ATP6V1H: variants seen among roughly 807,000 people sequenced by gnomAD.
The protein encoded by ATP6V1H is ATPase H+ transporting V1 subunit H, also known as V-type proton ATPase subunit H.
A neutral mutation model predicts 71.7 loss-of-function variants in ATP6V1H; 39 were observed. The observed-to-expected ratio is 0.54, with a 90% CI of 0.42 to 0.71. The LOEUF is 0.71. ATP6V1H is among the 30% of genes least tolerant of loss of function. The pLI is 0.00. For synonymous variants in ATP6V1H, 192 were observed against 199.3 expected (o/e 0.96, Z 0.31); for missense variants, 509 against 594.9 (o/e 0.86, Z 1.50).
intron 13 of ATP6V1H, among the ~76,000 whole-genome samples, chr8:53,717,303 G>A (rs575521141): frequency 2.0e-5 from 3 of 152,220 alleles, no homozygotes; most frequent in East Asian, 1.9e-4. Context: ...GAAATGTCAC[G>A]CAGTGGCGGA....
intron 13 of ATP6V1H, among the ~76,000 whole-genome samples, chr8:53,722,250 G>A (rs750808343): frequency 8.5e-5 from 13 of 152,154 alleles, no homozygotes; most frequent in Non-Finnish European, 1.5e-4. Flanking sequence ...CTTTTCCAAC[G>A]TGTGGTTATG....
chr8:53,740,600 T>A (rs913220904), intron 13 of ATP6V1H, among the ~76,000 whole-genome samples: 3 of 152,178 alleles, frequency 2.0e-5, no homozygotes, highest in African/African-American at 7.2e-5. Context: ...AGTTTTCACT[T>A]GGTAGAAAAG....
At chr8:53,762,805 C>T (rs1808318946) in intron 11 of ATP6V1H, among the ~76,000 whole-genome samples, 1 of 152,112 alleles carries the variant, frequency 6.6e-6, no homozygotes, top group African/African-American at 2.4e-5. Flanking sequence ...CAGCACAAAT[C>T]TGAACTGCAC....
chr8:53,774,584 T>C (rs1480861293), intron 9 of ATP6V1H, among the ~76,000 whole-genome samples: 1 of 152,136 alleles, frequency 6.6e-6, no homozygotes, highest in Non-Finnish European at 1.5e-5. Context: ...CCAGGAATGA[T>C]AAAGTGGCTT....
At chr8:53,793,870 T>C (rs1360610027) in intron 9 of ATP6V1H, among the ~76,000 whole-genome samples, 2 of 151,834 alleles carry the variant, frequency 1.3e-5, no homozygotes, top group Non-Finnish European at 2.9e-5. Flanking sequence ...ATCCAGGAGG[T>C]GGAGGTTACA....
At chr8:53,833,175 T>C (rs977798287) in intron 2 of ATP6V1H, 89 bp from the exon 3 acceptor site, 14 of 1,021,172 alleles carry the variant, frequency 1.4e-5, no homozygotes, top group Non-Finnish European at 1.8e-5. Flanking sequence ...TCTTCTCTCC[T>C]TGGCAGCAAA....
At chr8:53,815,442 A>G (rs1183094205) in intron 5 of ATP6V1H, among the ~76,000 whole-genome samples, 1 of 152,230 alleles carries the variant, frequency 6.6e-6, no homozygotes, top group African/African-American at 2.4e-5. Context: ...AATTCATCCC[A>G]GTAGAGAATG....
intron 13 of ATP6V1H, among the ~76,000 whole-genome samples, chr8:53,738,023 A>C (rs531560217): frequency 3.3e-5 from 5 of 152,322 alleles, no homozygotes; most frequent in African/African-American, 1.2e-4. Flanking sequence ...CAAAAACTTA[A>C]ATATCTTAGA....
At chr8:53,822,835 G>A (rs904267759) in intron 4 of ATP6V1H, among the ~76,000 whole-genome samples, 1 of 152,132 alleles carries the variant, frequency 6.6e-6, no homozygotes, top group Non-Finnish European at 1.5e-5. Flanking sequence ...AAGAAGCCAT[G>A]AGTTGCTATA....
At chr8:53,820,586 G>A (rs1473022211) in intron 4 of ATP6V1H, among the ~76,000 whole-genome samples, 2 of 150,330 alleles carry the variant, frequency 1.3e-5, no homozygotes, top group African/African-American at 2.4e-5. Flanking sequence ...AGGATCGTTT[G>A]AACCCAAGAG....
chr8:53,791,330 A>T (rs986793335), intron 9 of ATP6V1H, among the ~76,000 whole-genome samples: 1 of 152,212 alleles, frequency 6.6e-6, no homozygotes, highest in African/African-American at 2.4e-5. Context: ...TGTGAGCACA[A>T]GTTAGTGTCA....
intron 12 of ATP6V1H, among the ~76,000 whole-genome samples, chr8:53,747,390 A>G (rs1807641838): frequency 1.3e-5 from 2 of 152,332 alleles, no homozygotes; most frequent in East Asian, 3.9e-4. Context: ...TTAATTAGGA[A>G]GGTCATTACC....
chr8:53,774,349 G>A (rs1220855612), intron 9 of ATP6V1H, among the ~76,000 whole-genome samples: 1 of 152,194 alleles, frequency 6.6e-6, no homozygotes, highest in East Asian at 1.9e-4. Context: ...AGTTAGCAAA[G>A]CTTCCATCTA....
intron 3 of ATP6V1H, chr8:53,831,713 C>G (rs1272542349): frequency 6.6e-6 from 1 of 151,472 alleles, no homozygotes; most frequent in Non-Finnish European, 1.5e-5. Flanking sequence ...TCAAAACTCT[C>G]ACACGCTCAA....
intron 13 of ATP6V1H, among the ~76,000 whole-genome samples, chr8:53,733,589 C>G (rs1807101432): frequency 6.6e-6 from 1 of 152,176 alleles, no homozygotes; most frequent in Non-Finnish European, 1.5e-5. Context: ...GATTTACTAT[C>G]CGACAGGGGG....
At chr8:53,771,957 C>G (rs1585768630) in intron 10 of ATP6V1H, 32 bp downstream of exon 10, 1 of 1,586,294 alleles carries the variant, frequency 6.3e-7, no homozygotes, top group Non-Finnish European at 8.6e-7. Flanking sequence ...CCCAACAGAT[C>G]CAGCACATGA....
In ATP6V1H at chr8:53,791,590, C is replaced by A. The variant is rs1026267919; in HGVS notation, c.870+4057G>T. 2.0e-5 allele frequency among the ~76,000 whole-genome samples: 3 copies of A among 152,212 alleles called. No homozygotes were observed. In the East Asian group the frequency reaches 5.8e-4, roughly 29 times the overall value. ...TACTGATGATTCCAGAAGATTCTTT[C>A]TTCACTTGTTAACATTCAACCTCTC... On this transcript the variant is annotated intron_variant, in intron 9 of 13. Coordinates refer to ENST00000359530, the MANE Select transcript of ATP6V1H (RefSeq NM_015941.4).
chr8:53,798,740 G>A (rs761342298), intron 8 of ATP6V1H, among the ~76,000 whole-genome samples: 6 of 152,012 alleles, frequency 3.9e-5, no homozygotes, highest in Non-Finnish European at 8.8e-5. Context: ...CTTTCAGCAA[G>A]TTATTATACT....
At chr8:53,743,771 C>T in intron 12 of ATP6V1H, 81 bp from the exon 13 acceptor site, 1 of 890,304 alleles carries the variant, frequency 1.1e-6, no homozygotes, top group Non-Finnish European at 1.8e-6. Context: ...CAAATACCAA[C>T]ACGCTAAAAA....
Sources: allele counts gnomAD v4.1 joint callset (sites outside exome capture counted in the v4.1 genomes callset), GRCh38; gene constraint gnomAD v4.1.1; transcripts MANE v1.5; gene names NCBI Gene and HGNC (gene_info 2026-07-23, HGNC 2026-07-21).